USH2A: variants seen among roughly 807,000 people sequenced by gnomAD.
USH2A encodes usherin.
In USH2A, 443 loss-of-function variants were observed where a neutral mutation model predicts 538.9. That is an observed-to-expected ratio of 0.82 (90% CI 0.76 to 0.89). The LOEUF is 0.89. USH2A is among the 40% of genes least tolerant of loss of function. USH2A has a pLI of 0.00. For synonymous variants in USH2A, 2,413 were observed against 2,273.5 expected (o/e 1.06, Z -1.75); for missense variants, 6,633 against 6,324.8 (o/e 1.05, Z -1.65).
At chr1:216,153,685 A>G (rs1314114250) in intron 21 of USH2A, among the ~76,000 whole-genome samples, 2 of 152,202 alleles carry the variant, frequency 1.3e-5, no homozygotes, top group Non-Finnish European at 2.9e-5. Context: ...CATGCCCACA[A>G]AACAGAGATA....
chr1:216,067,632 T>G (rs2031423908), intron 30 of USH2A, among the ~76,000 whole-genome samples: 1 of 152,090 alleles, frequency 6.6e-6, no homozygotes, highest in Non-Finnish European at 1.5e-5. Context: ...AAAAATAGAA[T>G]GACAACTGTG....
At chr1:216,391,746 G>C (rs1050106856) in intron 3 of USH2A, among the ~76,000 whole-genome samples, 4 of 152,198 alleles carry the variant, frequency 2.6e-5, no homozygotes, top group Non-Finnish European at 5.9e-5. Context: ...GGTGAGTGAG[G>C]TTAAGTGACT....
At chr1:215,661,456 C>T (rs1273163662) in intron 64 of USH2A, among the ~76,000 whole-genome samples, 1 of 152,148 alleles carries the variant, frequency 6.6e-6, no homozygotes. Context: ...CTGGCTCTTC[C>T]TACTCCCTGG....
chr1:216,101,110 T>C (rs995297732), intron 21 of USH2A, among the ~76,000 whole-genome samples: 28 of 152,186 alleles, frequency 1.8e-4, no homozygotes, highest in African/African-American at 6.8e-4. Context: ...GCAAAATCTA[T>C]GACAAAATTA....
At chr1:216,059,440 G>T (rs2031097322) in intron 30 of USH2A, among the ~76,000 whole-genome samples, 2 of 152,054 alleles carry the variant, frequency 1.3e-5, no homozygotes, top group Non-Finnish European at 2.9e-5. Flanking sequence ...TCACTTCTTT[G>T]TCAATGACTG....
At chr1:216,298,501 A>G (rs1055184852) in intron 9 of USH2A, among the ~76,000 whole-genome samples, 38 of 152,294 alleles carry the variant, frequency 2.5e-4, no homozygotes, top group African/African-American at 8.7e-4. Context: ...TAATGTTTAA[A>G]GCCAAAGACA....
In USH2A at chr1:215,884,027, A is replaced by G. The variant is rs368595493; in HGVS notation, c.8223+4399T>C. On this transcript the variant is annotated intron_variant, in intron 41 of 71. Transcript: ENST00000307340. ...AGTGGGAGTTGAACAATGAGAACAC[A>G]TGGACACAGGGAGGGGAACATCACA... Among the ~76,000 whole-genome samples the G allele has an allele frequency of 3.3e-5, 5 of 152,166 alleles. No individual in the cohort carries two copies. The East Asian group carries it at 5.8e-4, about 18-fold the overall frequency.
At chr1:216,303,111 T>G (rs1056412192) in intron 9 of USH2A, among the ~76,000 whole-genome samples, 10 of 152,014 alleles carry the variant, frequency 6.6e-5, no homozygotes, top group Non-Finnish European at 1.5e-5. Context: ...ATTTATGGAT[T>G]GTTCAGGGCA....
At chr1:216,120,298 G>A (rs2033103727) in intron 21 of USH2A, among the ~76,000 whole-genome samples, 1 of 150,166 alleles carries the variant, frequency 6.7e-6, no homozygotes, top group Admixed American at 6.6e-5. Context: ...ACTTTGGGAG[G>A]CCAAGGTGGA....
rs560914450 is a variant in USH2A, at chr1:216,046,310, T to C, written c.6325+121A>G. 1.9e-5 allele frequency: 20 copies of C among 1,055,836 alleles called. No homozygotes were observed. In the African/African-American group the frequency reaches 3.2e-4, roughly 17 times the overall value. The allele number at this position is 1,055,836 out of a possible 1,614,324, so 65.4% of individuals were successfully genotyped here. On this transcript the variant is annotated intron_variant, in intron 32 of 71. Transcript: ENST00000307340. ...TCTGTTGTTATTTTTTTCACATATTTCCTAAGCATTCTTGATTAAATTTGC... is the reference window on the plus strand; with the variant it reads ...TCTGTTGTTATTTTTTTCACATATTCCCTAAGCATTCTTGATTAAATTTGC...
chr1:216,321,927 A>G lies in USH2A; in HGVS notation c.1600T>C (p.Tyr534His), dbSNP rs1456251491. The G allele has an allele frequency of 6.2e-7, 1 of 1,613,898 alleles. No individual in the cohort carries two copies. Among genetic ancestry groups the G allele is most frequent in the Non-Finnish European group, 8.5e-7 (1 of 1,179,870 alleles). ...CTCTCCTGGGAGCAGAGGCATCTAT[A>G]TGGCTGGCTTGTTGTGTCGCAGTTA... The part of the protein sequence containing the change: ...ADNCDTTSQP[Y>H]RCLCSQESFT... Residue 534 changes from tyrosine (Y) to histidine (H), a missense_variant, in exon 9 of 72, where the codon TAT becomes CAT. Transcript: ENST00000307340.
At chr1:215,733,161 T>C (rs1660054877) in intron 60 of USH2A, among the ~76,000 whole-genome samples, 1 of 123,384 alleles carries the variant, frequency 8.1e-6, no homozygotes. Context: ...AGCAAGTGCA[T>C]CACGTGCAGA....
Position 215,970,740 on chromosome 1 carries a change from A to G in USH2A, c.6842T>C (p.Ile2281Thr). ...ITSYGLYLDG[I>T]LIHNSSELSY... The stretch of plus-strand genomic sequence containing the variant: ...GAGTTCTGAGGAATTGTGGATTAAT[A>G]TACCATCTAGATATAATCCATAACT... Residue 2281 changes from isoleucine to threonine, a missense_variant, in exon 36 of 72, where the codon ATA becomes ACA. Coordinates refer to ENST00000307340, the MANE Select transcript of USH2A (RefSeq NM_206933.4). 1.2e-6 allele frequency: 2 copies of G among 1,613,626 alleles called. No homozygotes were observed. The highest frequency in any genetic ancestry group is 1.7e-6 in the Non-Finnish European group (2 of 1,179,658).
intron 49 of USH2A, among the ~76,000 whole-genome samples, chr1:215,808,888 T>C (rs1662578028): frequency 6.6e-6 from 1 of 152,076 alleles, no homozygotes; most frequent in African/African-American, 2.4e-5. Flanking sequence ...TGTGTAAACA[T>C]AAATTTGCTT....
intron 61 of USH2A, among the ~76,000 whole-genome samples, chr1:215,719,057 T>C (rs908273152): frequency 1.2e-4 from 19 of 152,372 alleles, no homozygotes; most frequent in African/African-American, 4.3e-4. Context: ...CTGTCCCTCA[T>C]GTACTGATAA....
intron 21 of USH2A, among the ~76,000 whole-genome samples, chr1:216,158,235 GTAT>G (rs1246223324): frequency 2.0e-5 from 3 of 152,176 alleles, no homozygotes; most frequent in Admixed American, 6.5e-5. Context: ...ATGTATGTAT[GTAT>G]TATTATTATT....
At chr1:216,033,053 T>C (rs1338455769) in intron 32 of USH2A, among the ~76,000 whole-genome samples, 2 of 152,132 alleles carry the variant, frequency 1.3e-5, no homozygotes, top group East Asian at 3.9e-4. Context: ...CATAACAATC[T>C]GCCATGATGA....
At chr1:215,753,562 C>CA (rs1660688032) in intron 58 of USH2A, among the ~76,000 whole-genome samples, 1 of 150,740 alleles carries the variant, frequency 6.6e-6, no homozygotes, top group African/African-American at 2.4e-5. Flanking sequence ...ATCACAAGGA[C>CA]AAAAAACCAA....
chr1:215,813,103 G>T (rs1235757959), intron 49 of USH2A, among the ~76,000 whole-genome samples: 5 of 152,146 alleles, frequency 3.3e-5, no homozygotes, highest in African/African-American at 1.2e-4. Context: ...TTTAAAAATG[G>T]CAGTTATTAT....
Sources: gnomAD v4.1 joint callset for allele counts (sites outside exome capture counted in the v4.1 genomes callset) on GRCh38, gnomAD v4.1.1 for gene constraint, MANE v1.5 for transcripts, NCBI Gene and HGNC (gene_info 2026-07-23, HGNC 2026-07-21) for gene names.